The following FOXP1 variants were observed in gnomAD, a reference collection of about 807,000 sequenced individuals.
FOXP1 encodes the protein forkhead box P1.
FOXP1 carries 15 observed loss-of-function variants against 98.2 expected under a neutral mutation model. The observed-to-expected ratio is 0.15, with a 90% confidence interval of 0.10 to 0.24. The LOEUF is 0.24. Ranked by LOEUF, FOXP1 falls within the 10% of genes least tolerant of loss-of-function variation. FOXP1 has a pLI of 1.00. For synonymous variants in FOXP1, 371 were observed against 314.5 expected, an observed-to-expected ratio of 1.18 and a Z score of -1.90; for missense variants, 633 against 848.5, an observed-to-expected ratio of 0.75 and a Z score of 3.15.
chr3:71,188,076 T>C lies in FOXP1; in HGVS notation c.180+10126A>G, dbSNP rs143141874. ...CCCTGCTTTAGGATGCTACCTCTTA[T>C]TTTGTTAATTTTTTCCAAAAATATT... is the stretch of plus-strand genomic sequence containing the variant. On this transcript the variant is annotated intron_variant, in intron 6 of 20. Transcript: ENST00000649528. Among the ~76,000 whole-genome samples, 501 of 152,334 alleles carry C rather than the reference T, an allele frequency of 3.3e-3. 6 individuals are homozygous for C. Among genetic ancestry groups the C allele is most frequent in the African/African-American group, 0.011 (473 of 41,584 alleles).
rs149181299 is a variant in FOXP1, at chr3:71,083,708, A to C, written c.282+28828T>G. Among the ~76,000 whole-genome samples the C allele has an allele frequency of 3.3e-5, 5 of 152,334 alleles. No homozygotes were observed. The East Asian group carries it at 9.7e-4, about 29-fold the overall frequency. ...CAATAGGAAAGAAACAGAACAGAACAGAACAATTGGAACAGACCCTTCCTG... is the reference window on the plus strand; with the variant it reads ...CAATAGGAAAGAAACAGAACAGAACCGAACAATTGGAACAGACCCTTCCTG... On this transcript the variant is annotated intron_variant, in intron 7 of 20. Transcript: ENST00000649528.
chr3:71,267,631 A>G (rs1488830444), intron 5 of FOXP1, among the ~76,000 whole-genome samples: 1 of 152,266 alleles, frequency 6.6e-6, no homozygotes, highest in Non-Finnish European at 1.5e-5. Context: ...TAAGGGTGGC[A>G]GATGTAATTA....
intron 4 of FOXP1, among the ~76,000 whole-genome samples, chr3:71,308,483 G>A (rs568009106): frequency 7.9e-5 from 12 of 152,204 alleles, no homozygotes; most frequent in South Asian, 2.1e-4. Flanking sequence ...GATACGATGC[G>A]TACAATGGCT....
chr3:71,555,560 A>G (rs530877899), intron 2 of FOXP1, among the ~76,000 whole-genome samples: 27 of 152,310 alleles, frequency 1.8e-4, no homozygotes, highest in Admixed American at 2.0e-4. Context: ...TCTTTATATA[A>G]TTATCTCATT....
intron 4 of FOXP1, among the ~76,000 whole-genome samples, chr3:71,347,448 C>T (rs1012874873): frequency 2.6e-5 from 4 of 152,172 alleles, no homozygotes; most frequent in Admixed American, 2.0e-4. Flanking sequence ...TCAGCAGAGC[C>T]AGAGCCTTCT....
At chr3:71,312,977 T>A (rs2074799237) in intron 4 of FOXP1, among the ~76,000 whole-genome samples, 1 of 151,346 alleles carries the variant, frequency 6.6e-6, no homozygotes, top group African/African-American at 2.4e-5. Flanking sequence ...GGTGACAGAG[T>A]GAAACCCTGT....
At chr3:71,531,133 G>A (rs941330328) in intron 2 of FOXP1, among the ~76,000 whole-genome samples, 1 of 152,222 alleles carries the variant, frequency 6.6e-6, no homozygotes, top group Non-Finnish European at 1.5e-5. Flanking sequence ...CTCTGAGGAG[G>A]GACGCACATA....
chr3:71,388,482 C>G (rs1426562754), intron 3 of FOXP1, among the ~76,000 whole-genome samples: 1 of 149,746 alleles, frequency 6.7e-6, no homozygotes, highest in Non-Finnish European at 1.5e-5. Flanking sequence ...CATCAGAAAA[C>G]ATAAGAATTC....
At chr3:71,467,752 C>T (rs1032834666) in intron 3 of FOXP1, among the ~76,000 whole-genome samples, 1 of 152,180 alleles carries the variant, frequency 6.6e-6, no homozygotes, top group Non-Finnish European at 1.5e-5. Flanking sequence ...CAGTAATTCT[C>T]ATACTGAAAG....
At chr3:71,458,234 TG>T (rs1251544795) in intron 3 of FOXP1, among the ~76,000 whole-genome samples, 1 of 152,250 alleles carries the variant, frequency 6.6e-6, no homozygotes, top group East Asian at 1.9e-4. Flanking sequence ...ATTATTTTCA[TG>T]TGCTTATGTG....
chr3:71,047,223 G>A (rs978091378), intron 9 of FOXP1, 128 bp from the exon 10 acceptor site: 39 of 1,079,940 alleles, frequency 3.6e-5, no homozygotes, highest in East Asian at 4.8e-5. Flanking sequence ...GGAGGGCTCC[G>A]TGTCAAGGTT....
chr3:71,092,603 G>T (rs1336624919), intron 7 of FOXP1, among the ~76,000 whole-genome samples: 2 of 152,062 alleles, frequency 1.3e-5, no homozygotes, highest in Non-Finnish European at 2.9e-5. Context: ...GGTAAGTAGG[G>T]TATTTTTCAA....
At chr3:71,180,247 A>G (rs533642866) in intron 6 of FOXP1, among the ~76,000 whole-genome samples, 221 of 152,264 alleles carry the variant, frequency 1.5e-3, no homozygotes, top group Non-Finnish European at 2.6e-3. Context: ...CACGGGCCAC[A>G]AGAATCATGT....
At chr3:71,348,058 T>C (rs1210172400) in intron 4 of FOXP1, among the ~76,000 whole-genome samples, 1 of 152,142 alleles carries the variant, frequency 6.6e-6, no homozygotes, top group Admixed American at 6.5e-5. Flanking sequence ...AAGAGATTAA[T>C]GATAACAAAT....
chr3:71,067,010 C>T (rs909943847), intron 7 of FOXP1, among the ~76,000 whole-genome samples: 22 of 152,048 alleles, frequency 1.4e-4, no homozygotes, highest in African/African-American at 5.3e-4. Context: ...TGGCTGTAAG[C>T]ACCATGGGAC....
chr3:71,573,860 GGTCT>G (rs774275822), intron 2 of FOXP1: 22 of 151,720 alleles, frequency 1.5e-4, no homozygotes, highest in Non-Finnish European at 3.2e-4. Context: ...ACTAAAAAAA[GGTCT>G]GTCATTGATT....
At chr3:71,143,728 T>C (rs6789804) in intron 6 of FOXP1, among the ~76,000 whole-genome samples, 37,566 of 151,978 alleles carry the variant, frequency 0.25, 7,836 homozygotes, top group African/African-American at 0.57. Context: ...ACCCCATCTC[T>C]ACAAAAAATA....
chr3:71,069,124 A>C lies in FOXP1; in HGVS notation c.283-15351T>G, dbSNP rs529782424. ...ATGTTGTTTTTCTTCTGTGCCTGCA[A>C]GTTTGGCCAAGGGAAAACACTGAGT... On this transcript the variant is annotated intron_variant, in intron 7 of 20. Transcript: ENST00000649528. 7.2e-4 allele frequency among the ~76,000 whole-genome samples: 110 copies of C among 152,324 alleles called. 1 individual carries two copies. Among genetic ancestry groups the C allele is most frequent in the Middle Eastern group, 3.4e-3 (1 of 294 alleles).
chr3:71,409,652 A>T (rs1334035987), intron 3 of FOXP1, among the ~76,000 whole-genome samples: 2 of 152,178 alleles, frequency 1.3e-5, no homozygotes, highest in Non-Finnish European at 2.9e-5. Context: ...TAAAACAAAA[A>T]ACCTGGAAGT....
Sources: allele counts gnomAD v4.1 joint callset (sites outside exome capture counted in the v4.1 genomes callset), GRCh38; gene constraint gnomAD v4.1.1; transcripts MANE v1.5; gene names NCBI Gene and HGNC (gene_info 2026-07-23, HGNC 2026-07-21).